THSD7B: variants seen among roughly 807,000 people sequenced by gnomAD.
THSD7B encodes the protein thrombospondin type-1 domain-containing protein 7B.
Under a neutral mutation model 213.6 loss-of-function variants are expected in THSD7B, and 138 were observed. The observed-to-expected ratio is 0.65, with a 90% CI of 0.56 to 0.74. THSD7B has a LOEUF of 0.74. THSD7B is among the 30% of genes least tolerant of loss of function. The pLI, the probability that THSD7B is intolerant of heterozygous loss-of-function variation, is 0.00. For synonymous variants in THSD7B, 742 were observed against 687.0 expected (o/e 1.08, Z -1.25); for missense variants, 1,931 against 1,991.5 (o/e 0.97, Z 0.58).
At chr2:137,179,226 C>T (rs72852246) in intron 7 of THSD7B, among the ~76,000 whole-genome samples, 16,459 of 152,172 alleles carry the variant, frequency 0.11, 1,069 homozygotes, top group Admixed American at 0.15. Context: ...TCCCCCCAGA[C>T]ATGTCCTAAG....
chr2:136,865,928 G>C (rs145872299), intron 1 of THSD7B, among the ~76,000 whole-genome samples: 3 of 152,308 alleles, frequency 2.0e-5, no homozygotes, highest in Non-Finnish European at 4.4e-5. Context: ...AGCAGGTAGA[G>C]GGTTAAGGTG....
chr2:137,458,657 G>A (rs1385177521), intron 15 of THSD7B, among the ~76,000 whole-genome samples: 2 of 152,078 alleles, frequency 1.3e-5, no homozygotes, highest in Non-Finnish European at 2.9e-5. Flanking sequence ...TGGCTATTGT[G>A]TATGCTGTTA....
intron 3 of THSD7B, among the ~76,000 whole-genome samples, chr2:137,091,069 TA>T (rs1007450569): frequency 1.3e-5 from 2 of 152,184 alleles, no homozygotes; most frequent in African/African-American, 4.8e-5. Context: ...AAAATAACAT[TA>T]AAAATATGTT....
At chr2:137,343,119 A>T (rs1684799966) in intron 12 of THSD7B, among the ~76,000 whole-genome samples, 2 of 142,416 alleles carry the variant, frequency 1.4e-5, no homozygotes, top group Admixed American at 7.0e-5. Flanking sequence ...ATTTTTTTGC[A>T]GGTTTGTTTT....
chr2:137,183,584 T>A (rs898244089), intron 7 of THSD7B, among the ~76,000 whole-genome samples: 1 of 152,132 alleles, frequency 6.6e-6, no homozygotes, highest in African/African-American at 2.4e-5. Flanking sequence ...CTTGTTTTTT[T>A]AATTAATTAA....
chr2:136,902,627 G>T (rs1045945203), intron 2 of THSD7B, among the ~76,000 whole-genome samples: 1 of 152,142 alleles, frequency 6.6e-6, no homozygotes, highest in African/African-American at 2.4e-5. Flanking sequence ...GACCTTCGTG[G>T]TATACATTCC....
At chr2:137,173,324 A>G (rs1680299698) in intron 7 of THSD7B, among the ~76,000 whole-genome samples, 1 of 152,208 alleles carries the variant, frequency 6.6e-6, no homozygotes, top group Non-Finnish European at 1.5e-5. Context: ...CTAAGGAAAC[A>G]CAAAGATCAT....
In THSD7B at chr2:137,609,344, G is replaced by A. The variant is rs565379807; in HGVS notation, c.3424-6831G>A. Among the ~76,000 whole-genome samples the A allele has an allele frequency of 2.6e-5, 4 of 152,346 alleles. 1 individual carries two copies. In the East Asian group the frequency reaches 7.7e-4, roughly 29 times the overall value. ...GGAAGACAAGGAGTAACATGGAAGA[G>A]TTGCTGATATTTTTACGTAGCATGA... On this transcript the variant is annotated intron_variant, in intron 17 of 27. Transcript: ENST00000409968.
At chr2:137,116,843 C>T (rs930705494) in intron 5 of THSD7B, among the ~76,000 whole-genome samples, 1 of 152,062 alleles carries the variant, frequency 6.6e-6, no homozygotes, top group Admixed American at 6.6e-5. Flanking sequence ...GCAGAGTGAG[C>T]AATCTATCAA....
chr2:137,315,095 C>G (rs1306097487), intron 12 of THSD7B, among the ~76,000 whole-genome samples: 2 of 152,174 alleles, frequency 1.3e-5, no homozygotes, highest in African/African-American at 4.8e-5. Context: ...GGCGGGCGCC[C>G]CTCCCCCAGC....
At chr2:137,577,743 G>A (rs1171842317) in intron 17 of THSD7B, among the ~76,000 whole-genome samples, 3 of 151,156 alleles carry the variant, frequency 2.0e-5, no homozygotes, top group Admixed American at 6.7e-5. Context: ...CTTCCTAAGA[G>A]AGAATGATTA....
At chr2:137,133,662 A>G (rs1269289712) in intron 5 of THSD7B, among the ~76,000 whole-genome samples, 1 of 152,218 alleles carries the variant, frequency 6.6e-6, no homozygotes. Context: ...TGAATGACAT[A>G]TGTAATTTTA....
At chr2:137,423,461 T>C (rs1376108208) in intron 14 of THSD7B, among the ~76,000 whole-genome samples, 3 of 151,994 alleles carry the variant, frequency 2.0e-5, no homozygotes, top group Non-Finnish European at 4.4e-5. Context: ...ATAAGATCAA[T>C]GGTCGCAAAG....
Position 137,160,351 on chromosome 2 carries a change from A to G in THSD7B, c.1508A>G (p.Asp503Gly). 1 of 1,612,990 alleles carries G rather than the reference A, an allele frequency of 6.2e-7. No individual in the cohort carries two copies. The highest frequency in any genetic ancestry group is 1.7e-5 in the Admixed American group (1 of 59,822). ...WGLCIHENCH[D>G]PQGKKGFRTR... ...CTGTGCATCCATGAAAACTGTCATGATCCTCAGGGGAAAAAAGGTGAGTGC... is the reference window on the plus strand; with the variant it reads ...CTGTGCATCCATGAAAACTGTCATGGTCCTCAGGGGAAAAAAGGTGAGTGC... The change falls in exon 6 of 28, where the codon GAT (aspartate) becomes GGT (glycine). Residue 503 changes from aspartate (D) to glycine (G), a missense_variant. By Grantham distance (94) the Asp-to-Gly change is moderately conservative (BLOSUM62 -1). Coordinates refer to ENST00000409968, the MANE Select transcript of THSD7B (RefSeq NM_001316349.2).
At chr2:137,029,636 C>A (rs1013438098) in intron 2 of THSD7B, among the ~76,000 whole-genome samples, 1 of 152,044 alleles carries the variant, frequency 6.6e-6, no homozygotes, top group Non-Finnish European at 1.5e-5. Context: ...AGTAGAATAT[C>A]CCAATATGTA....
In THSD7B at chr2:137,076,904, C is replaced by T. The variant is rs1024696787; in HGVS notation, c.951-17969C>T. On this transcript the variant is annotated intron_variant, in intron 3 of 27. Coordinates refer to ENST00000409968, the MANE Select transcript of THSD7B (RefSeq NM_001316349.2). The stretch of plus-strand genomic sequence containing the variant: ...ATTAGTTACATATGTATACATGTGC[C>T]ATGTTGGTGTGCTACACCCATTAAC... Among the ~76,000 whole-genome samples the T allele has an allele frequency of 2.0e-5, 3 of 151,828 alleles. 1 individual carries two copies. The highest frequency in any genetic ancestry group is 4.4e-5 in the Non-Finnish European group (3 of 67,970).
rs1685967896 is a variant in THSD7B at position 137,389,402 on chromosome 2, A to ACTTTTTTTT, written c.2501-16211_2501-16210insCTTTTTTTT. Among the ~76,000 whole-genome samples, 3 of 38,052 alleles carry ACTTTTTTTT rather than the reference A, an allele frequency of 7.9e-5. 1 individual carries two copies. Among genetic ancestry groups the ACTTTTTTTT allele is most frequent in the Non-Finnish European group, 1.3e-4 (3 of 22,804 alleles). The allele number at this position is 38,052 out of a possible 152,430, so 25.0% of individuals were successfully genotyped here. A position where few individuals can be genotyped will look rare whatever the true frequency, so the allele number is the denominator to read the frequency against. ...GATAGTTTGACCACTTCTTAATGTG[A>ACTTTTTTTT]TTTTTTTTTTTTTTTTTTTTTTTTT... On this transcript the variant is annotated intron_variant, in intron 12 of 27. Coordinates refer to ENST00000409968, the MANE Select transcript of THSD7B (RefSeq NM_001316349.2).
chr2:137,308,650 AATATT>A (rs1162237082), intron 12 of THSD7B, among the ~76,000 whole-genome samples: 2 of 152,048 alleles, frequency 1.3e-5, no homozygotes, highest in Non-Finnish European at 1.5e-5. Flanking sequence ...TGATTATAAG[AATATT>A]ATATGTTTTT....
chr2:136,826,123 T>C (rs1190124597), intron 1 of THSD7B, among the ~76,000 whole-genome samples: 2 of 151,046 alleles, frequency 1.3e-5, no homozygotes, highest in African/African-American at 4.9e-5. Context: ...CTTTTAGTTA[T>C]GAAATTATAT....
Sources: allele counts gnomAD v4.1 joint callset (sites outside exome capture counted in the v4.1 genomes callset), GRCh38; gene constraint gnomAD v4.1.1; transcripts MANE v1.5; gene names NCBI Gene and HGNC (gene_info 2026-07-23, HGNC 2026-07-21).